Variants in OAS3 observed in about 807,000 individuals in gnomAD.
OAS3 encodes 2'-5'-oligoadenylate synthase 3.
In OAS3, 107 loss-of-function variants were observed where a neutral mutation model predicts 113.0. The ratio of observed to expected loss-of-function variants is 0.95; its 90% CI spans 0.81 to 1.11. OAS3 has a LOEUF of 1.11. Among genes scored for constraint, OAS3 ranks in the 50% most tolerant of loss-of-function variants. The pLI, the probability that OAS3 is intolerant of heterozygous loss-of-function variation, is 0.00. For synonymous variants in OAS3, 552 were observed against 573.6 expected, an observed-to-expected ratio of 0.96 and a Z score of 0.54; for missense variants, 1,258 against 1,389.1, an observed-to-expected ratio of 0.91 and a Z score of 1.50.
chr12:112,963,288 A>G lies in OAS3; in HGVS notation c.2085-25A>G. 1 of 1,539,224 alleles carries G rather than the reference A, an allele frequency of 6.5e-7. No individual in the cohort carries two copies. The highest frequency in any genetic ancestry group is 8.8e-7 in the Non-Finnish European group (1 of 1,138,278). On this transcript the variant is annotated intron_variant, in intron 9 of 15. Coordinates refer to ENST00000228928, the MANE Select transcript of OAS3 (RefSeq NM_006187.4). The surrounding 1 kb of genome is among the most constrained non-coding windows in gnomAD (Gnocchi z 4.6). ...TCTTTCACTGACTCCCACCTTCCCC[A>G]CCCACCTTCCTGCTGTGCCCCCAGA...
intron 1 of OAS3, 54 bp downstream of exon 1, chr12:112,938,761 G>A: frequency 2.9e-6 from 4 of 1,365,794 alleles, no homozygotes; most frequent in South Asian, 1.5e-5. Flanking sequence ...CTGGGAGGAC[G>A]CTTAAGCCTC....
intron 8 of OAS3, among the ~76,000 whole-genome samples, 157 bp from the exon 9 acceptor site, chr12:112,962,495 A>ACTCCT (rs2043896097): frequency 6.6e-6 from 1 of 152,060 alleles, no homozygotes; most frequent in African/African-American, 2.4e-5. Context: ...CCTCCTCTGA[A>ACTCCT]CCTCAGTTTA....
At position 112,954,647 on chromosome 12, in the gene OAS3, T is replaced by C. The variant is rs28806949; in HGVS notation, c.1657+3672T>C. Among the ~76,000 whole-genome samples the C allele has an allele frequency of 5.1e-3, 775 of 152,236 alleles. 7 individuals are homozygous for C. Among genetic ancestry groups the C allele is most frequent in the African/African-American group, 0.018 (754 of 41,544 alleles). On this transcript the variant is annotated intron_variant, in intron 7 of 15. Transcript: ENST00000228928. The surrounding 1 kb of genome is among the most constrained non-coding windows in gnomAD (Gnocchi z 4.0). ...CAAAGATCAGATGGTTGTAGACATG[T>C]GGTGTTATTTCTGAGGGCTCTGTTC...
In OAS3 at chr12:112,970,044, G is replaced by T. The variant is rs7313970; in HGVS notation, c.*71G>T. 5.7e-4 allele frequency: 881 copies of T among 1,555,434 alleles called. 2 individuals carry two copies. In the African/African-American group the frequency reaches 0.01, roughly 18 times the overall value. On this transcript the variant is annotated 3_prime_UTR_variant, in exon 16 of 16. Coordinates refer to ENST00000228928, the MANE Select transcript of OAS3 (RefSeq NM_006187.4). ...CCAGCCCTCAGCATGAGGAAATTCA[G>T]GGTCCCCTACCAGATGAGAGAGATT...
rs1405109237 is a variant in OAS3, at chr12:112,946,984, A to G, written c.875+3A>G. On this transcript the variant is annotated splice_donor_region_variant and intron_variant, in intron 4 of 15. Transcript: ENST00000228928. The stretch of plus-strand genomic sequence containing the variant: ...CAGCGGCAGCTTAAGAGACCCAGGT[A>G]CTTCCTAATAGCCCACCATCTGCTC... 6.2e-7 allele frequency: 1 copy of G among 1,611,460 alleles called. No homozygotes were observed. Among genetic ancestry groups the G allele is most frequent in the Non-Finnish European group, 8.5e-7 (1 of 1,177,672 alleles).
Position 112,944,598 on chromosome 12 carries a change from C to T in OAS3, c.583C>T (p.Arg195Cys), listed in dbSNP as rs372942659. 2.9e-5 allele frequency: 46 copies of T among 1,613,952 alleles called. No individual in the cohort carries two copies. The highest frequency in any genetic ancestry group is 3.4e-5 in the Non-Finnish European group (40 of 1,179,902). ...GCTGCGGAGGAACTTTGTGAACATT[C>T]GCCCAGCCAAGTTGAAGAACCTAAT... ...TELRRNFVNI[R>C]PAKLKNLILL... Residue 195 changes from arginine to cysteine, a missense_variant, in exon 3 of 16, where the codon CGC becomes TGC. Transcript: ENST00000228928.
Position 112,970,611 on chromosome 12 carries a change from G to A in OAS3, c.*638G>A, listed in dbSNP as rs992245147. On this transcript the variant is annotated 3_prime_UTR_variant, in exon 16 of 16. Coordinates refer to ENST00000228928, the MANE Select transcript of OAS3 (RefSeq NM_006187.4). ...ATGATTGATTAGCAATGTCTGCACTGGATACGGAAAAAAGAAGGTGCTTGC... is the reference window on the plus strand; with the variant it reads ...ATGATTGATTAGCAATGTCTGCACTAGATACGGAAAAAAGAAGGTGCTTGC... 1 of 155,742 alleles carries A rather than the reference G, an allele frequency of 6.4e-6. No individual in the cohort carries two copies. The highest frequency in any genetic ancestry group is 2.4e-5 in the African/African-American group (1 of 41,462). The allele number at this position is 155,742 out of a possible 1,614,324, so 9.6% of individuals were successfully genotyped here.
rs1022085399 is a variant in OAS3, at chr12:112,962,863, C to G, written c.2045C>G (p.Ala682Gly). 2 of 1,613,862 alleles carry G rather than the reference C, an allele frequency of 1.2e-6. No individual in the cohort carries two copies. Among genetic ancestry groups the G allele is most frequent in the African/African-American group, 2.7e-5 (2 of 74,914 alleles). The change falls in exon 9 of 16, where the codon GCC (alanine) becomes GGC (glycine). Residue 682 changes from alanine (A) to glycine (G), a missense_variant. Coordinates refer to ENST00000228928, the MANE Select transcript of OAS3 (RefSeq NM_006187.4). ...GTCAACTATAGCACTGAGGACCCAGCCATGAGAATGCACCTTCTTGGCCAG... is the reference window on the plus strand; with the variant it reads ...GTCAACTATAGCACTGAGGACCCAGGCATGAGAATGCACCTTCTTGGCCAG... ...WTVNYSTEDPAMRMHLLGQLR... is the reference protein window; with the variant it reads ...WTVNYSTEDPGMRMHLLGQLR...
chr12:112,964,894 A>G (rs2043920758), intron 11 of OAS3, among the ~76,000 whole-genome samples: 2 of 152,168 alleles, frequency 1.3e-5, no homozygotes, highest in Non-Finnish European at 2.9e-5. Flanking sequence ...TGGGTAACCT[A>G]CCAACCCCCA....
intron 7 of OAS3, among the ~76,000 whole-genome samples, chr12:112,960,212 C>T (rs899879770): frequency 6.6e-6 from 1 of 152,130 alleles, no homozygotes. Flanking sequence ...CACTAATTCC[C>T]AGGCTAGATT....
chr12:112,941,837 G>C lies in OAS3; in HGVS notation c.445G>C (p.Ala149Pro), dbSNP rs2043683209. ...EDWMDVSLVP[A>P]FNVLGQAGSG... Reference sequence around the variant, plus strand: ...CTGGATGGATGTTAGCCTGGTGCCTGCCTTCAATGTCCTGGGTGAGGGGTT... The same window carrying C: ...CTGGATGGATGTTAGCCTGGTGCCTCCCTTCAATGTCCTGGGTGAGGGGTT... Residue 149 changes from alanine to proline, a missense_variant, in exon 2 of 16, where the codon GCC becomes CCC. Transcript: ENST00000228928. 6.2e-7 allele frequency: 1 copy of C among 1,613,914 alleles called. No homozygotes were observed. Among genetic ancestry groups the C allele is most frequent in the Non-Finnish European group, 8.5e-7 (1 of 1,179,898 alleles).
chr12:112,965,822 C>G lies in OAS3; in HGVS notation c.2482C>G (p.Gln828Glu). The stretch of plus-strand genomic sequence containing the variant: ...CGTGGTGTTCCTCAGCTGCTTCAGC[C>G]AGTTCACTGAGCAGGGCAACAAGCG... ...DLVVFLSCFSQFTEQGNKRAE... is the reference protein window; with the variant it reads ...DLVVFLSCFSEFTEQGNKRAE... Residue 828 changes from glutamine to glutamate, a missense_variant, in exon 12 of 16, where the codon CAG becomes GAG. Transcript: ENST00000228928. 6.2e-7 allele frequency: 1 copy of G among 1,613,892 alleles called. No homozygotes were observed. Among genetic ancestry groups the G allele is most frequent in the Non-Finnish European group, 8.5e-7 (1 of 1,179,874 alleles).
At chr12:112,958,413 G>A (rs1371541898) in intron 7 of OAS3, among the ~76,000 whole-genome samples, 1 of 152,248 alleles carries the variant, frequency 6.6e-6, no homozygotes, top group Non-Finnish European at 1.5e-5. Flanking sequence ...TGGAGGAGAA[G>A]AGGCGCTCTG....
At position 112,951,083 on chromosome 12, in the gene OAS3, G is replaced by A. The variant is rs796460036; in HGVS notation, c.1657+108G>A. 58 of 1,193,444 alleles carry A rather than the reference G, an allele frequency of 4.9e-5. No individual in the cohort carries two copies. In the South Asian group the frequency reaches 8.4e-4, roughly 17 times the overall value. The allele number at this position is 1,193,444 out of a possible 1,614,324, so 73.9% of individuals were successfully genotyped here. On this transcript the variant is annotated intron_variant, in intron 7 of 15. Coordinates refer to ENST00000228928, the MANE Select transcript of OAS3 (RefSeq NM_006187.4). ...GATCCTAATTCTCCTACTTGACCAA[G>A]CATTGAAAACTACTTTGAGATACTG...
rs139763305 is a variant in OAS3, at chr12:112,961,322, C to T, written c.1833+76C>T. On this transcript the variant is annotated intron_variant, in intron 8 of 15. Coordinates refer to ENST00000228928, the MANE Select transcript of OAS3 (RefSeq NM_006187.4). ...CCCCAGCCAATCAGTTCCTCCTCTACACCCACATCTCCCCTCCTTTGCTTC... is the reference window on the plus strand; with the variant it reads ...CCCCAGCCAATCAGTTCCTCCTCTATACCCACATCTCCCCTCCTTTGCTTC... 1.9e-4 allele frequency: 248 copies of T among 1,316,172 alleles called. 2 individuals are homozygous for T. In the African/African-American group the frequency reaches 3.2e-3, roughly 17 times the overall value. The allele number at this position is 1,316,172 out of a possible 1,614,324, so 81.5% of individuals were successfully genotyped here.
chr12:112,965,878 G>A lies in OAS3; in HGVS notation c.2538G>A (p.Gln846=), dbSNP rs117570351. Residue 846 remains glutamine, a synonymous_variant, in exon 12 of 16, where the codon CAG becomes CAA. Transcript: ENST00000228928. ...RAEIISEIRA[Q]LEACQQERQF... Reference sequence around the variant, plus strand: ...AGATCATCTCCGAGATCCGAGCCCAGCTGGAGGCATGTCAACAGGAGCGGC... The same window carrying A: ...AGATCATCTCCGAGATCCGAGCCCAACTGGAGGCATGTCAACAGGAGCGGC... The A allele has an allele frequency of 1.8e-5, 29 of 1,613,736 alleles. No homozygotes were observed. The East Asian group carries it at 6.2e-4, about 35-fold the overall frequency.
At chr12:112,943,724 T>A (rs998505007) in intron 2 of OAS3, among the ~76,000 whole-genome samples, 11 of 152,198 alleles carry the variant, frequency 7.2e-5, no homozygotes, top group South Asian at 2.1e-4. Context: ...AAATATATAT[T>A]TTTTTCTAAG....
At position 112,963,530 on chromosome 12, in the gene OAS3, T is replaced by C; in HGVS notation, c.2229+73T>C. 3 of 1,359,796 alleles carry C rather than the reference T, an allele frequency of 2.2e-6. No homozygotes were observed. Among genetic ancestry groups the C allele is most frequent in the South Asian group, 1.7e-5 (1 of 58,440 alleles). 84.2% of individuals were successfully genotyped at this position (1,359,796 alleles called of 1,614,324 possible). On this transcript the variant is annotated intron_variant, in intron 10 of 15. Transcript: ENST00000228928. This position sits in a 1 kb window ranked among gnomAD's most constrained non-coding sequence, Gnocchi z 4.6. The stretch of plus-strand genomic sequence containing the variant: ...TAGTCAGGTTCCCTTAACCTGCCGG[T>C]GCACCCATCCCCAGCTGCTAGGAGT...
In OAS3 at chr12:112,961,067, A is replaced by T; in HGVS notation, c.1658-4A>T. ...CACACTCAGGGTGTTTCAAACTTCT[A>T]CAGGGCAGCTCAGTTCTGGCACCAA... On this transcript the variant is annotated splice_region_variant and splice_polypyrimidine_tract_variant and intron_variant, in intron 7 of 15. Transcript: ENST00000228928. 6.2e-7 allele frequency: 1 copy of T among 1,612,702 alleles called. No homozygotes were observed. The highest frequency in any genetic ancestry group is 8.5e-7 in the Non-Finnish European group (1 of 1,179,374).
Sources: gnomAD v4.1 joint callset for allele counts (sites outside exome capture counted in the v4.1 genomes callset) on GRCh38, gnomAD v4.1.1 for gene constraint, Gnocchi (gnomAD v3.1) non-coding constraint, MANE v1.5 for transcripts, NCBI Gene and HGNC (gene_info 2026-07-23, HGNC 2026-07-21) for gene names.